FOXK1: variants seen among roughly 807,000 people sequenced by gnomAD.
FOXK1 encodes the protein forkhead box K1.
In FOXK1, 19 loss-of-function variants were observed where a neutral mutation model predicts 51.9. The ratio of observed to expected loss-of-function variants is 0.37; its 90% CI spans 0.26 to 0.54. The LOEUF is 0.54. Among genes scored for constraint, FOXK1 ranks in the 20% least tolerant of loss-of-function variants. FOXK1 has a pLI of 0.87. For synonymous variants in FOXK1, 537 were observed against 482.6 expected, an observed-to-expected ratio of 1.11 and a Z score of -1.48; for missense variants, 870 against 1,032.7, an observed-to-expected ratio of 0.84 and a Z score of 2.16.
Position 4,748,148 on chromosome 7 carries a change from TCTATATGCATCTTACAAA to T in FOXK1, c.747-6310_747-6293del, listed in dbSNP as rs1780730048. Among the ~76,000 whole-genome samples the T allele has an allele frequency of 6.6e-6, 1 of 152,232 alleles. No individual in the cohort carries two copies. Among genetic ancestry groups the T allele is most frequent in the African/African-American group, 2.4e-5 (1 of 41,446 alleles). On this transcript the variant is annotated intron_variant, in intron 2 of 8. Transcript: ENST00000328914. This position sits in a 1 kb window ranked among gnomAD's most constrained non-coding sequence, Gnocchi z 4.9. ...AGATTACGAAGAGACTATCTATCTA[TCTATATGCATCTTACAAA>T]ATGCAAACATTTCAGAAAGTGAAAA... is the stretch of plus-strand genomic sequence containing the variant.
chr7:4,711,457 G>A lies in FOXK1; in HGVS notation c.560+28589G>A, dbSNP rs549154083. On this transcript the variant is annotated intron_variant, in intron 1 of 8. Coordinates refer to ENST00000328914, the MANE Select transcript of FOXK1 (RefSeq NM_001037165.2). This position sits in a 1 kb window ranked among gnomAD's most constrained non-coding sequence, Gnocchi z 6.3. ...GAGGAGGGAGAGATCTGGAGTTAAG[G>A]AAGATGTGACTTTCTCAGTGGCCCT... Among the ~76,000 whole-genome samples the A allele has an allele frequency of 5.5e-4, 84 of 152,114 alleles. No homozygotes were observed. The highest frequency in any genetic ancestry group is 2.0e-3 in the Admixed American group (30 of 15,252).
Position 4,715,281 on chromosome 7 carries a change from A to C in FOXK1, c.561-25557A>C, listed in dbSNP as rs147161064. Among the ~76,000 whole-genome samples the C allele has an allele frequency of 1.2e-4, 18 of 151,602 alleles. No individual in the cohort carries two copies. In the East Asian group the frequency reaches 3.3e-3, roughly 28 times the overall value. On this transcript the variant is annotated intron_variant, in intron 1 of 8. Transcript: ENST00000328914. This position sits in a 1 kb window ranked among gnomAD's most constrained non-coding sequence, Gnocchi z 4.5. ...GCATGGTGTTTTGTTTCAAGGAGAG[A>C]TCGTAAGTCATGGCTTCAGTTTGCT...
At chr7:4,705,181 A>G (rs1780067975) in intron 1 of FOXK1, among the ~76,000 whole-genome samples, 1 of 151,544 alleles carries the variant, frequency 6.6e-6, no homozygotes, top group African/African-American at 2.4e-5. Context: ...TAAAGTCAGA[A>G]TTTTATTGTT....
chr7:4,712,547 T>C (rs577417789), intron 1 of FOXK1, among the ~76,000 whole-genome samples: 1 of 152,254 alleles, frequency 6.6e-6, no homozygotes, highest in Admixed American at 6.5e-5. Flanking sequence ...CCCGCGCGCT[T>C]ATTTGAGAAG....
At chr7:4,716,957 G>A (rs576024479) in intron 1 of FOXK1, among the ~76,000 whole-genome samples, 11 of 152,168 alleles carry the variant, frequency 7.2e-5, no homozygotes, top group African/African-American at 2.4e-4. Context: ...GGAGGCGCAT[G>A]GCTGGGAGGC....
At position 4,755,391 on chromosome 7, in the gene FOXK1, C is replaced by A; in HGVS notation, c.1050+8C>A. ...GCCGACAAAGGCTGGCAGGTGAAGCCGAGTCCCCAGGGCCGGATCGCCTCT... is the reference window on the plus strand; with the variant it reads ...GCCGACAAAGGCTGGCAGGTGAAGCAGAGTCCCCAGGGCCGGATCGCCTCT... On this transcript the variant is annotated splice_region_variant and intron_variant, in intron 4 of 8. Coordinates refer to ENST00000328914, the MANE Select transcript of FOXK1 (RefSeq NM_001037165.2). This position sits in a 1 kb window ranked among gnomAD's most constrained non-coding sequence, Gnocchi z 6.6. 6.2e-7 allele frequency: 1 copy of A among 1,613,236 alleles called. No individual in the cohort carries two copies. The highest frequency in any genetic ancestry group is 8.5e-7 in the Non-Finnish European group (1 of 1,179,848).
chr7:4,759,202 T>G lies in FOXK1; in HGVS notation c.1396T>G (p.Ser466Ala). 1 of 1,578,562 alleles carries G rather than the reference T, an allele frequency of 6.3e-7. No homozygotes were observed. Among genetic ancestry groups the G allele is most frequent in the Non-Finnish European group, 8.6e-7 (1 of 1,161,364 alleles). The change falls in exon 6 of 9, where the codon TCC (serine) becomes GCC (alanine). Residue 466 changes from serine to alanine, a missense_variant. By Grantham distance (99) the Ser-to-Ala change is moderately conservative. Around this residue, in one of 3 missense-constraint regions of FOXK1, gnomAD observed 457 missense variants for 510.8 expected, o/e 0.89. Coordinates refer to ENST00000328914, the MANE Select transcript of FOXK1 (RefSeq NM_001037165.2). ...KLASVPEYRY[S>A]QSAPGSPVSA... ...AGCTTCTGTCCCAGAGTACCGGTATTCCCAAAGCGCACCCGGTAAGGAGCG... is the reference window on the plus strand; with the variant it reads ...AGCTTCTGTCCCAGAGTACCGGTATGCCCAAAGCGCACCCGGTAAGGAGCG...
At chr7:4,754,708 G>C (rs553425295) in intron 3 of FOXK1, 93 bp downstream of exon 3, 2 of 1,441,966 alleles carry the variant, frequency 1.4e-6, no homozygotes, top group East Asian at 2.5e-5. Context: ...CAGGGCCTGC[G>C]GGCGTGTGCT....
chr7:4,704,849 T>TTTTTTTTTTTTTG (rs1780063546), intron 1 of FOXK1, among the ~76,000 whole-genome samples: 2 of 150,390 alleles, frequency 1.3e-5, no homozygotes, highest in African/African-American at 5.0e-5. Context: ...TTTTTTTTTT[T>TTTTTTTTTTTTTG]GAGAAAAAGT....
rs1488197334 is a variant in FOXK1 at position 4,689,683 on chromosome 7, T to C, written c.560+6815T>C. Among the ~76,000 whole-genome samples the C allele has an allele frequency of 3.3e-5, 5 of 152,250 alleles. No individual in the cohort carries two copies. The East Asian group carries it at 9.6e-4, about 29-fold the overall frequency. On this transcript the variant is annotated intron_variant, in intron 1 of 8. Coordinates refer to ENST00000328914, the MANE Select transcript of FOXK1 (RefSeq NM_001037165.2). ...ATGGAATTAGTTATACAATTAGTTA[T>C]ACGTTGTATAACCATCATAAAATTA...
At chr7:4,719,868 A>C (rs1456596907) in intron 1 of FOXK1, among the ~76,000 whole-genome samples, 1 of 152,064 alleles carries the variant, frequency 6.6e-6, no homozygotes, top group African/African-American at 2.4e-5. Context: ...TCCTCGTTCT[A>C]ATTGAATTGT....
chr7:4,757,672 A>G, intron 5 of FOXK1, among the ~76,000 whole-genome samples: 1 of 151,228 alleles, frequency 6.6e-6, no homozygotes, highest in Non-Finnish European at 1.5e-5. Flanking sequence ...AAAGTAATAC[A>G]AATGAAACAA....
chr7:4,759,440 A>G lies in FOXK1; in HGVS notation c.1541A>G (p.His514Arg), dbSNP rs1260782854. 6.3e-7 allele frequency: 1 copy of G among 1,595,002 alleles called. No individual in the cohort carries two copies. The highest frequency in any genetic ancestry group is 8.5e-7 in the Non-Finnish European group (1 of 1,175,396). The change falls in exon 7 of 9, where the codon CAC becomes CGC. Residue 514 changes from histidine (H) to arginine (R), a missense_variant. Coordinates refer to ENST00000328914, the MANE Select transcript of FOXK1 (RefSeq NM_001037165.2). ...TSQQPAGHAI[H>R]VVQQAPTVTM... ...CAGCAGCCCGCGGGCCACGCCATCC[A>G]CGTCGTGCAGCAGGCCCCCACCGTC...
chr7:4,740,416 T>G (rs1368093899), intron 1 of FOXK1, among the ~76,000 whole-genome samples: 2 of 108,722 alleles, frequency 1.8e-5, no homozygotes, highest in African/African-American at 3.5e-5. Flanking sequence ...GGCGACAGAG[T>G]GAGACTCCCT....
rs1412252176 is a variant in FOXK1, at chr7:4,759,113, C to T, written c.1307C>T (p.Thr436Ile). 1 of 1,611,900 alleles carries T rather than the reference C, an allele frequency of 6.2e-7. No homozygotes were observed. Among genetic ancestry groups the T allele is most frequent in the East Asian group, 2.2e-5 (1 of 44,874 alleles). ...LMSPRSGGLQ[T>I]PECLSREGSP... Reference sequence around the variant, plus strand: ...TCCCCTCGCTCCGGCGGCCTGCAGACCCCAGAGTGCCTGTCTCGGGAGGGC... The same window carrying T: ...TCCCCTCGCTCCGGCGGCCTGCAGATCCCAGAGTGCCTGTCTCGGGAGGGC... Residue 436 changes from threonine (T) to isoleucine (I), a missense_variant, in exon 6 of 9, where the codon ACC becomes ATC. Thr to Ile is a moderately conservative substitution (Grantham distance 89, BLOSUM62 -1). Coordinates refer to ENST00000328914, the MANE Select transcript of FOXK1 (RefSeq NM_001037165.2).
intron 1 of FOXK1, among the ~76,000 whole-genome samples, chr7:4,686,089 A>G (rs2115026569): frequency 6.6e-6 from 1 of 152,310 alleles, no homozygotes; most frequent in East Asian, 1.9e-4. Flanking sequence ...TCATCACCGA[A>G]TGTCAGGAAT....
At position 4,765,353 on chromosome 7, in the gene FOXK1, G is replaced by A. The variant is rs1254419764; in HGVS notation, c.*2889G>A. The A allele has an allele frequency of 1.3e-5, 2 of 152,332 alleles. No homozygotes were observed. Among genetic ancestry groups the A allele is most frequent in the East Asian group, 1.9e-4 (1 of 5,190 alleles). 9.4% of individuals were successfully genotyped at this position (152,332 alleles called of 1,614,324 possible). On this transcript the variant is annotated 3_prime_UTR_variant, in exon 9 of 9. Coordinates refer to ENST00000328914, the MANE Select transcript of FOXK1 (RefSeq NM_001037165.2). The stretch of plus-strand genomic sequence containing the variant: ...TGTGTGCCCTGAGCCAGCCCAGCAA[G>A]CGCCTCCCAGCCAGGCGCTTTCGCA...
At chr7:4,690,856 A>G (rs1203549949) in intron 1 of FOXK1, among the ~76,000 whole-genome samples, 2 of 152,226 alleles carry the variant, frequency 1.3e-5, no homozygotes, top group African/African-American at 4.8e-5. Flanking sequence ...AACTTGCTAA[A>G]TTAATGACAA....
At chr7:4,686,366 G>C (rs562818480) in intron 1 of FOXK1, among the ~76,000 whole-genome samples, 3 of 152,170 alleles carry the variant, frequency 2.0e-5, no homozygotes, top group Non-Finnish European at 2.9e-5. Flanking sequence ...AAGGATGCCA[G>C]AATTCAACCC....
Sources: allele counts gnomAD v4.1 joint callset (sites outside exome capture counted in the v4.1 genomes callset), GRCh38; gene constraint gnomAD v4.1.1; regional missense constraint gnomAD v4.1.1; non-coding constraint Gnocchi (gnomAD v3.1); transcripts MANE v1.5; gene names NCBI Gene and HGNC (gene_info 2026-07-23, HGNC 2026-07-21).